NCOA2: variants seen among roughly 807,000 people sequenced by gnomAD.
The protein encoded by NCOA2 is class E basic helix-loop-helix protein 75.
In NCOA2, 21 loss-of-function variants were observed where a neutral mutation model predicts 145.1. That is an observed-to-expected ratio of 0.14 (90% CI 0.10 to 0.21). The LOEUF (loss-of-function observed/expected upper bound fraction) is 0.21, where lower values mean the gene tolerates loss of function less well. NCOA2 is among the 10% of genes least tolerant of loss of function. NCOA2 has a pLI of 1.00. For missense variants in NCOA2, 1,472 were observed against 1,837.6 expected, an observed-to-expected ratio of 0.80 and a Z score of 3.64; for synonymous variants, 619 against 637.5, an observed-to-expected ratio of 0.97 and a Z score of 0.44.
At chr8:70,155,940 T>C (rs1221538715) in intron 11 of NCOA2, 31 bp downstream of exon 11, 5 of 1,517,596 alleles carry the variant, frequency 3.3e-6, no homozygotes, top group Admixed American at 4.3e-5. Context: ...TACAGATTAG[T>C]ACACCTGCGA....
intron 2 of NCOA2, among the ~76,000 whole-genome samples, chr8:70,259,864 T>A (rs183315433): frequency 6.6e-6 from 1 of 152,350 alleles, no homozygotes; most frequent in East Asian, 1.9e-4. Context: ...TGGGAATCAC[T>A]ATGCCATATG....
intron 7 of NCOA2, among the ~76,000 whole-genome samples, chr8:70,164,106 C>T (rs1231327178): frequency 1.3e-5 from 2 of 152,112 alleles, no homozygotes; most frequent in Admixed American, 6.5e-5. Context: ...TGGGTCTAGA[C>T]GCAGATTCAG....
chr8:70,428,498 C>G, the NCOA2 span, among the ~76,000 whole-genome samples: 3 of 152,058 alleles, frequency 2.0e-5, no homozygotes, highest in African/African-American at 7.2e-5. Context: ...GTTGTACATG[C>G]CTGTTGTCCC....
intron 1 of NCOA2, among the ~76,000 whole-genome samples, chr8:70,389,718 G>T (rs1813015792): frequency 6.6e-6 from 1 of 151,970 alleles, no homozygotes; most frequent in Non-Finnish European, 1.5e-5. Flanking sequence ...GCCCAGGCTG[G>T]AGTGCAATGG....
intron 4 of NCOA2, among the ~76,000 whole-genome samples, chr8:70,209,307 T>A (rs1030365991): frequency 8.5e-5 from 13 of 152,152 alleles, no homozygotes; most frequent in Non-Finnish European, 1.6e-4. Context: ...ACAAAGAAAA[T>A]GGTTTCTTGA....
At chr8:70,204,681 C>G (rs1004903141) in intron 4 of NCOA2, among the ~76,000 whole-genome samples, 10 of 152,068 alleles carry the variant, frequency 6.6e-5, no homozygotes, top group Non-Finnish European at 8.8e-5. Context: ...AAACTAAGAA[C>G]AAACATGATA....
chr8:70,138,347 GA>G lies in NCOA2; in HGVS notation c.3029-16del. On this transcript the variant is annotated splice_polypyrimidine_tract_variant and intron_variant, in intron 14 of 22. Transcript: ENST00000452400. ...TTCAGATGGCCCTAGAAAGGGAGAA[GA>G]AAAAAATCTTACATCTTTAATCAAG... is the stretch of plus-strand genomic sequence containing the variant. 3 of 1,577,314 alleles carry G rather than the reference GA, an allele frequency of 1.9e-6. No homozygotes were observed. Among genetic ancestry groups the G allele is most frequent in the African/African-American group, 2.7e-5 (2 of 72,854 alleles).
chr8:70,304,471 A>ATT (rs71558593), intron 1 of NCOA2, among the ~76,000 whole-genome samples: 61 of 142,236 alleles, frequency 4.3e-4, no homozygotes, highest in African/African-American at 1.4e-3. Flanking sequence ...CTATATGCAT[A>ATT]TTTTTTTTTT....
intron 4 of NCOA2, among the ~76,000 whole-genome samples, chr8:70,210,445 T>C (rs772565103): frequency 6.6e-6 from 1 of 152,230 alleles, no homozygotes; most frequent in Non-Finnish European, 1.5e-5. Context: ...GCAGTCACAC[T>C]ATTAGCATCA....
At chr8:70,301,451 C>T (rs1357661742) in intron 1 of NCOA2, among the ~76,000 whole-genome samples, 3 of 151,404 alleles carry the variant, frequency 2.0e-5, no homozygotes, top group African/African-American at 4.9e-5. Context: ...CCCAGGAGTT[C>T]GAAACCAGCT....
intron 1 of NCOA2, among the ~76,000 whole-genome samples, chr8:70,374,560 T>C (rs1427123899): frequency 6.6e-6 from 1 of 151,538 alleles, no homozygotes; most frequent in Non-Finnish European, 1.5e-5. Flanking sequence ...CCCAACAACT[T>C]GGGAGGCCAA....
At chr8:70,454,008 C>A in the NCOA2 span, among the ~76,000 whole-genome samples, 1 of 152,172 alleles carries the variant, frequency 6.6e-6, no homozygotes, top group African/African-American at 2.4e-5. Context: ...AAGTAACTCT[C>A]ATTTTGACAA....
chr8:70,296,200 C>G (rs1827080084), intron 2 of NCOA2, among the ~76,000 whole-genome samples: 1 of 152,096 alleles, frequency 6.6e-6, no homozygotes, highest in Non-Finnish European at 1.5e-5. Flanking sequence ...ATCACATGAT[C>G]ATAAATATTG....
chr8:70,383,756 C>T (rs575546809), intron 1 of NCOA2, among the ~76,000 whole-genome samples: 3 of 152,276 alleles, frequency 2.0e-5, no homozygotes, highest in East Asian at 1.9e-4. Flanking sequence ...CCGCCCACCT[C>T]GGCCTCCCAA....
At chr8:70,380,949 G>A (rs893651758) in intron 1 of NCOA2, among the ~76,000 whole-genome samples, 3 of 151,806 alleles carry the variant, frequency 2.0e-5, no homozygotes, top group East Asian at 3.9e-4. Flanking sequence ...GGTGGTGCCC[G>A]CCTGTGGTCC....
At chr8:70,213,475 G>A (rs1380107381) in intron 4 of NCOA2, among the ~76,000 whole-genome samples, 3 of 152,192 alleles carry the variant, frequency 2.0e-5, no homozygotes, top group Non-Finnish European at 4.4e-5. Context: ...GTCATGGCCA[G>A]TTGAGGCTCA....
At chr8:70,288,912 A>G (rs1826455197) in intron 2 of NCOA2, among the ~76,000 whole-genome samples, 1 of 152,218 alleles carries the variant, frequency 6.6e-6, no homozygotes. Context: ...TCTATATTAG[A>G]GAAAAAATTT....
At chr8:70,429,835 G>T in the NCOA2 span, among the ~76,000 whole-genome samples, 2 of 152,122 alleles carry the variant, frequency 1.3e-5, no homozygotes, top group African/African-American at 4.8e-5. Flanking sequence ...TTTAGTTAAA[G>T]GACCTTTGCT....
chr8:70,392,390 C>T (rs535843894), intron 1 of NCOA2, among the ~76,000 whole-genome samples: 1 of 152,218 alleles, frequency 6.6e-6, no homozygotes, highest in African/African-American at 2.4e-5. Context: ...AGATGGATAG[C>T]CTTCTGACTT....
Sources: allele counts gnomAD v4.1 joint callset (sites outside exome capture counted in the v4.1 genomes callset), GRCh38; gene constraint gnomAD v4.1.1; transcripts MANE v1.5; gene names NCBI Gene and HGNC (gene_info 2026-07-23, HGNC 2026-07-21).